Variants in TMEM132D observed in about 807,000 individuals in gnomAD.
TMEM132D encodes the protein mature OL transmembrane protein.
Under a neutral mutation model 62.3 loss-of-function variants are expected in TMEM132D, and 21 were observed. That is an observed-to-expected ratio of 0.34 (90% CI 0.24 to 0.49). TMEM132D has a LOEUF of 0.49. Among genes scored for constraint, TMEM132D ranks in the 20% least tolerant of loss-of-function variants. The pLI, the probability that TMEM132D is intolerant of heterozygous loss-of-function variation, is 0.99. For missense variants in TMEM132D, 1,346 were observed against 1,402.8 expected, an observed-to-expected ratio of 0.96 and a Z score of 0.65; for synonymous variants, 621 against 575.6, an observed-to-expected ratio of 1.08 and a Z score of -1.13.
intron 5 of TMEM132D, chr12:129,113,120 CT>C (rs1228325034): frequency 6.6e-6 from 1 of 152,250 alleles, no homozygotes; most frequent in Non-Finnish European, 1.5e-5. Context: ...TGGAACTGAA[CT>C]TTCAAGATCA....
intron 5 of TMEM132D, among the ~76,000 whole-genome samples, chr12:129,182,508 G>A (rs1423033337): frequency 6.6e-6 from 1 of 152,182 alleles, no homozygotes; most frequent in African/African-American, 2.4e-5. Flanking sequence ...CTCAGGAAGA[G>A]TGGACGCTGC....
intron 3 of TMEM132D, among the ~76,000 whole-genome samples, chr12:129,432,032 C>A (rs1872665783): frequency 6.6e-6 from 1 of 152,228 alleles, no homozygotes; most frequent in African/African-American, 2.4e-5. Flanking sequence ...TTCACCCTGA[C>A]CACAATTCTA....
intron 4 of TMEM132D, among the ~76,000 whole-genome samples, chr12:129,322,681 C>A (rs1868762717): frequency 6.6e-6 from 1 of 151,862 alleles, no homozygotes; most frequent in Non-Finnish European, 1.5e-5. Flanking sequence ...CACTAGAAGG[C>A]TAAATTTGCC....
intron 1 of TMEM132D, among the ~76,000 whole-genome samples, chr12:129,710,304 A>G (rs1233442198): frequency 6.6e-6 from 1 of 151,568 alleles, no homozygotes; most frequent in African/African-American, 2.4e-5. Flanking sequence ...TTATTTATTT[A>G]TTTATTTTTG....
chr12:129,569,895 C>A (rs61943477), intron 2 of TMEM132D, among the ~76,000 whole-genome samples: 2 of 151,906 alleles, frequency 1.3e-5, no homozygotes, highest in African/African-American at 4.8e-5. Flanking sequence ...GGAAACTGAA[C>A]GTTTTTAGTT....
At chr12:129,653,045 C>A (rs929093569) in intron 2 of TMEM132D, among the ~76,000 whole-genome samples, 1 of 152,172 alleles carries the variant, frequency 6.6e-6, no homozygotes, top group African/African-American at 2.4e-5. Context: ...CCAGTGGACG[C>A]ATTTTAAGTC....
At chr12:129,447,993 T>C (rs1018963030) in intron 3 of TMEM132D, among the ~76,000 whole-genome samples, 4 of 152,168 alleles carry the variant, frequency 2.6e-5, no homozygotes, top group Non-Finnish European at 4.4e-5. Context: ...AGGATAAGCA[T>C]GAAATGAGAT....
chr12:129,332,085 G>T (rs963777662), intron 4 of TMEM132D, among the ~76,000 whole-genome samples: 2 of 152,140 alleles, frequency 1.3e-5, no homozygotes, highest in African/African-American at 4.8e-5. Context: ...ATCTGGAGAA[G>T]AGTAAACACC....
chr12:129,433,143 C>T lies in TMEM132D; in HGVS notation c.1116-95326G>A, dbSNP rs141080464. The stretch of plus-strand genomic sequence containing the variant: ...GCATACTGTTCTATGCCACAAGTTA[C>T]TTATTCATTCTACTGGTCATGGACT... On this transcript the variant is annotated intron_variant, in intron 3 of 8. Transcript: ENST00000422113. Among the ~76,000 whole-genome samples, 207 of 152,324 alleles carry T rather than the reference C, an allele frequency of 1.4e-3. 2 individuals carry two copies. The highest frequency in any genetic ancestry group is 6.8e-3 in the Middle Eastern group (2 of 294).
At chr12:129,229,194 G>A (rs1879568494) in intron 4 of TMEM132D, among the ~76,000 whole-genome samples, 1 of 152,200 alleles carries the variant, frequency 6.6e-6, no homozygotes, top group African/African-American at 2.4e-5. Context: ...TCAGCTTCGG[G>A]TGTAACTTTT....
At chr12:129,749,666 C>T (rs147211248) in intron 1 of TMEM132D, among the ~76,000 whole-genome samples, 402 of 151,714 alleles carry the variant, frequency 2.6e-3, no homozygotes, top group Non-Finnish European at 4.6e-3. Flanking sequence ...TATTTCACCA[C>T]GTTGGTCAGG....
chr12:129,818,380 GGT>G (rs1872435232), intron 1 of TMEM132D, among the ~76,000 whole-genome samples: 2 of 145,730 alleles, frequency 1.4e-5, no homozygotes, highest in South Asian at 2.3e-4. Flanking sequence ...ATGTGTGTGA[GGT>G]GTGTGTGATG....
chr12:129,137,259 TCAA>T (rs972027459), intron 5 of TMEM132D, among the ~76,000 whole-genome samples: 2 of 151,702 alleles, frequency 1.3e-5, no homozygotes, highest in African/African-American at 4.9e-5. Context: ...ATCACCACCA[TCAA>T]CATCACTATC....
chr12:129,168,447 CCT>C (rs1349444524), intron 5 of TMEM132D, among the ~76,000 whole-genome samples: 1 of 152,154 alleles, frequency 6.6e-6, no homozygotes, highest in African/African-American at 2.4e-5. Flanking sequence ...CCTGCCAGCC[CCT>C]GTGGACCCCT....
chr12:129,612,939 T>C (rs939893306), intron 2 of TMEM132D, among the ~76,000 whole-genome samples: 2 of 152,230 alleles, frequency 1.3e-5, no homozygotes, highest in Admixed American at 6.5e-5. Flanking sequence ...ATTTTAACAT[T>C]TCATGTCTAG....
At chr12:129,269,136 T>A (rs983668608) in intron 4 of TMEM132D, among the ~76,000 whole-genome samples, 1 of 152,156 alleles carries the variant, frequency 6.6e-6, no homozygotes, top group Non-Finnish European at 1.5e-5. Context: ...GACCTGCACG[T>A]TGTGCACATG....
At chr12:129,205,148 C>T (rs557263056) in intron 5 of TMEM132D, among the ~76,000 whole-genome samples, 1 of 148,506 alleles carries the variant, frequency 6.7e-6, no homozygotes, top group African/African-American at 2.6e-5. Context: ...AAGACAGGAT[C>T]AAATCTGCAC....
chr12:129,838,374 G>T (rs1873072076), intron 1 of TMEM132D, among the ~76,000 whole-genome samples: 3 of 152,200 alleles, frequency 2.0e-5, no homozygotes, highest in South Asian at 4.1e-4. Context: ...GAATGCAACG[G>T]TTCCTTATCT....
At chr12:129,497,507 AG>A (rs1477530105) in intron 3 of TMEM132D, among the ~76,000 whole-genome samples, 1 of 151,990 alleles carries the variant, frequency 6.6e-6, no homozygotes, top group Non-Finnish European at 1.5e-5. Context: ...CTCCAGGCAC[AG>A]CCATATGGCT....
Sources: gnomAD v4.1 joint callset for allele counts (sites outside exome capture counted in the v4.1 genomes callset) on GRCh38, gnomAD v4.1.1 for gene constraint, MANE v1.5 for transcripts, NCBI Gene and HGNC (gene_info 2026-07-23, HGNC 2026-07-21) for gene names.